The following CSMD1 variants were observed in gnomAD, a reference collection of about 807,000 sequenced individuals.
CSMD1 encodes the protein CUB and Sushi multiple domains 1.
CSMD1 carries 213 observed loss-of-function variants against 417.5 expected under a neutral mutation model. The observed-to-expected ratio is 0.51, with a 90% CI of 0.46 to 0.57. The LOEUF (loss-of-function observed/expected upper bound fraction) is 0.57. Among genes scored for constraint, CSMD1 ranks in the 20% least tolerant of loss-of-function variants. The pLI is 0.00. For missense variants in CSMD1, 6,923 were observed against 4,529.7 expected (o/e 1.53, Z -15.17); for synonymous variants, 2,862 against 1,736.8 (o/e 1.65, Z -16.11).
At chr8:3,676,732 C>A (rs13269199) in intron 7 of CSMD1, among the ~76,000 whole-genome samples, 2 of 151,916 alleles carry the variant, frequency 1.3e-5, no homozygotes. Context: ...CATTGAAATA[C>A]GTATATAATA....
chr8:3,216,425 G>C (rs1376098822), intron 29 of CSMD1, among the ~76,000 whole-genome samples: 1 of 152,074 alleles, frequency 6.6e-6, no homozygotes, highest in African/African-American at 2.4e-5. Flanking sequence ...AAATTTCCCA[G>C]TACACATCTA....
At chr8:3,597,319 G>A (rs1030658607) in intron 8 of CSMD1, among the ~76,000 whole-genome samples, 2 of 152,048 alleles carry the variant, frequency 1.3e-5, no homozygotes, top group Admixed American at 6.5e-5. Context: ...TTCCCAGCAC[G>A]TTTGGCATCT....
intron 1 of CSMD1, among the ~76,000 whole-genome samples, chr8:4,766,040 T>G (rs1812440650): frequency 6.6e-6 from 1 of 152,196 alleles, no homozygotes; most frequent in South Asian, 2.1e-4. Flanking sequence ...TACATAAATG[T>G]TTGGAAACTA....
intron 18 of CSMD1, among the ~76,000 whole-genome samples, chr8:3,378,941 G>A (rs573372238): frequency 1.2e-4 from 19 of 152,296 alleles, no homozygotes; most frequent in African/African-American, 4.3e-4. Flanking sequence ...CAAATAGGAA[G>A]AGATGAAGTC....
chr8:4,598,689 G>C (rs1414606686), intron 2 of CSMD1, among the ~76,000 whole-genome samples: 1 of 152,172 alleles, frequency 6.6e-6, no homozygotes, highest in Non-Finnish European at 1.5e-5. Context: ...TACACTCGTT[G>C]ACAATAAGCA....
At chr8:4,336,245 G>C (rs570583880) in intron 3 of CSMD1, among the ~76,000 whole-genome samples, 3 of 152,110 alleles carry the variant, frequency 2.0e-5, no homozygotes, top group Non-Finnish European at 4.4e-5. Context: ...ACCCTTTAAA[G>C]GTCTTGCTCG....
intron 3 of CSMD1, among the ~76,000 whole-genome samples, chr8:4,203,956 C>T (rs999525542): frequency 1.3e-5 from 2 of 151,948 alleles, no homozygotes; most frequent in African/African-American, 4.8e-5. Flanking sequence ...CAAAAATTAG[C>T]CAGGTGTGGT....
At chr8:3,332,449 G>A (rs1563281140) in intron 23 of CSMD1, among the ~76,000 whole-genome samples, 1 of 152,218 alleles carries the variant, frequency 6.6e-6, no homozygotes, top group Non-Finnish European at 1.5e-5. Flanking sequence ...AGGCCAACCG[G>A]AGCTGCAGTG....
chr8:3,103,418 A>G (rs577221595), intron 46 of CSMD1, among the ~76,000 whole-genome samples: 1 of 152,212 alleles, frequency 6.6e-6, no homozygotes, highest in East Asian at 1.9e-4. Flanking sequence ...ATTGCTCCCA[A>G]ACCACACACC....
At chr8:4,882,460 CGA>C (rs1300011902) in intron 1 of CSMD1, among the ~76,000 whole-genome samples, 1 of 146,040 alleles carries the variant, frequency 6.8e-6, no homozygotes, top group East Asian at 1.9e-4. Context: ...TATTGGGGGG[CGA>C]GTTTGGCGTT....
chr8:3,270,914 T>C (rs13248888), intron 26 of CSMD1, among the ~76,000 whole-genome samples: 2 of 86,192 alleles, frequency 2.3e-5, no homozygotes, highest in East Asian at 6.1e-4. Flanking sequence ...TTTTTTTCTT[T>C]TTTTTTTTAA....
chr8:4,185,181 A>G (rs1257078518), intron 3 of CSMD1, among the ~76,000 whole-genome samples: 1 of 151,636 alleles, frequency 6.6e-6, no homozygotes, highest in African/African-American at 2.4e-5. Flanking sequence ...AGAAAAAACC[A>G]AAAAGAAACA....
chr8:3,941,244 C>T lies in CSMD1; in HGVS notation c.818+56659G>A, dbSNP rs574853969. 3.3e-5 allele frequency among the ~76,000 whole-genome samples: 5 copies of T among 152,190 alleles called. No homozygotes were observed. The East Asian group carries it at 9.6e-4, about 29-fold the overall frequency. The stretch of plus-strand genomic sequence containing the variant: ...GTTCCTAGCAAATGTATTAATTAAA[C>T]ATTTAGCTGAAACCTGACTTGCTGA... On this transcript the variant is annotated intron_variant, in intron 5 of 69. Transcript: ENST00000635120.
intron 12 of CSMD1, among the ~76,000 whole-genome samples, chr8:3,453,937 G>T (rs918738724): frequency 2.0e-5 from 3 of 152,112 alleles, no homozygotes; most frequent in Non-Finnish European, 4.4e-5. Context: ...TTATTATTGT[G>T]TGGGACTCTA....
At chr8:4,398,385 C>CTTTTTTTTTTTTTTTTT (rs1317009143) in intron 3 of CSMD1, among the ~76,000 whole-genome samples, 1 of 118,134 alleles carries the variant, frequency 8.5e-6, no homozygotes. Flanking sequence ...CTTGCTGCAA[C>CTTTTTTTTTTTTTTTTT]TTCTTTTTTT....
At chr8:3,500,967 T>C (rs1796575978) in intron 10 of CSMD1, among the ~76,000 whole-genome samples, 1 of 152,222 alleles carries the variant, frequency 6.6e-6, no homozygotes, top group Non-Finnish European at 1.5e-5. Context: ...TCAATAAGTA[T>C]ATAAATGATT....
At chr8:3,978,165 A>G (rs902404923) in intron 5 of CSMD1, among the ~76,000 whole-genome samples, 50 of 152,264 alleles carry the variant, frequency 3.3e-4, no homozygotes, top group Middle Eastern at 3.4e-3. Context: ...TCGAGTGAGG[A>G]AACAGCCTGT....
At chr8:3,549,694 C>T (rs10113107) in intron 10 of CSMD1, among the ~76,000 whole-genome samples, 2,062 of 152,194 alleles carry the variant, frequency 0.014, 42 homozygotes, top group African/African-American at 0.046. Flanking sequence ...CACTGGACGC[C>T]GTGTGCTGCC....
At chr8:3,604,616 G>A (rs955372773) in intron 8 of CSMD1, among the ~76,000 whole-genome samples, 3 of 151,994 alleles carry the variant, frequency 2.0e-5, no homozygotes, top group African/African-American at 4.8e-5. Flanking sequence ...AAATAAAATA[G>A]TAAGCAAGAA....
Sources: allele counts gnomAD v4.1 joint callset (sites outside exome capture counted in the v4.1 genomes callset), GRCh38; gene constraint gnomAD v4.1.1; transcripts MANE v1.5; gene names NCBI Gene and HGNC (gene_info 2026-07-23, HGNC 2026-07-21).